Variants in CADPS observed in about 807,000 individuals in gnomAD.
CADPS encodes calcium-dependent secretion activator 1.
In CADPS, 57 loss-of-function variants were observed where a neutral mutation model predicts 167.3. The observed-to-expected ratio is 0.34, with a 90% confidence interval of 0.28 to 0.42. CADPS has a LOEUF of 0.42. Ranked by LOEUF, CADPS falls within the 20% of genes least tolerant of loss-of-function variation. CADPS has a pLI of 1.00. For synonymous variants in CADPS, 676 were observed against 635.3 expected, an observed-to-expected ratio of 1.06 and a Z score of -0.96; for missense variants, 1,414 against 1,738.1, an observed-to-expected ratio of 0.81 and a Z score of 3.32.
chr3:62,803,504 T>A (rs12633666), intron 1 of CADPS, among the ~76,000 whole-genome samples: 96,733 of 151,794 alleles, frequency 0.64, 34,171 homozygotes, highest in East Asian at 0.89. Flanking sequence ...TGTTGCTGCC[T>A]AACATCTCAA....
chr3:62,618,907 C>T (rs76382243), intron 6 of CADPS, among the ~76,000 whole-genome samples: 4,346 of 152,294 alleles, frequency 0.029, 215 homozygotes, highest in African/African-American at 0.099. Flanking sequence ...TCCCTGCTCT[C>T]ACAGAGCTAA....
chr3:62,452,396 A>G (rs1301183072), intron 26 of CADPS, among the ~76,000 whole-genome samples: 1 of 152,224 alleles, frequency 6.6e-6, no homozygotes, highest in Non-Finnish European at 1.5e-5. Flanking sequence ...CGCAGTTGAG[A>G]GTACTTGAGA....
chr3:62,443,861 T>C lies in CADPS; in HGVS notation c.3669+1904A>G, dbSNP rs115219452. 1.9e-3 allele frequency among the ~76,000 whole-genome samples: 291 copies of C among 152,250 alleles called. 2 individuals are homozygous for C. The highest frequency in any genetic ancestry group is 6.6e-3 in the African/African-American group (275 of 41,542). ...AACGAGTCTTCTAATTTAGCATAAT[T>C]AATCCATAAACACTTAATGAGTACA... On this transcript the variant is annotated intron_variant, in intron 27 of 29. Coordinates refer to ENST00000383710, the MANE Select transcript of CADPS (RefSeq NM_003716.4).
chr3:62,592,501 A>G (rs1475023211), intron 7 of CADPS, 136 bp downstream of exon 7: 5 of 645,976 alleles, frequency 7.7e-6, no homozygotes, highest in Non-Finnish European at 1.4e-5. Context: ...GCCAATGTAG[A>G]GTGGAGTCCA....
In CADPS at chr3:62,585,285, C is replaced by T. The variant is rs771713733; in HGVS notation, c.1477G>A (p.Glu493Lys). 6 of 1,613,828 alleles carry T rather than the reference C, an allele frequency of 3.7e-6. No individual in the cohort carries two copies. The highest frequency in any genetic ancestry group is 1.7e-6 in the Non-Finnish European group (2 of 1,179,848). The change falls in exon 8 of 30, where the codon GAG becomes AAG. Residue 493 changes from glutamate (E) to lysine (K), a missense_variant. By Grantham distance (56) the Glu-to-Lys change is moderately conservative. Transcript: ENST00000383710. ...HPTPNSPKQS[E>K]WHKMTVSKNC... ...TTGGAGACTGTCATTTTGTGCCACTCTGACTGTTTGGGGCTGTTCGGGGTG... is the reference window on the plus strand; with the variant it reads ...TTGGAGACTGTCATTTTGTGCCACTTTGACTGTTTGGGGCTGTTCGGGGTG...
At chr3:62,484,829 G>A (rs893459903) in intron 21 of CADPS, among the ~76,000 whole-genome samples, 2 of 152,154 alleles carry the variant, frequency 1.3e-5, no homozygotes, top group African/African-American at 4.8e-5. Context: ...TATGGATGGG[G>A]TTGTATTTAA....
intron 1 of CADPS, among the ~76,000 whole-genome samples, chr3:62,794,126 G>C (rs1213767796): frequency 6.6e-6 from 1 of 152,188 alleles, no homozygotes; most frequent in Non-Finnish European, 1.5e-5. Flanking sequence ...GGAATGATGA[G>C]TAACAGCTTG....
chr3:62,826,583 T>C (rs1235983833), intron 1 of CADPS, among the ~76,000 whole-genome samples: 1 of 152,148 alleles, frequency 6.6e-6, no homozygotes, highest in East Asian at 1.9e-4. Flanking sequence ...AACCTTGCTA[T>C]TTCATATCTT....
intron 5 of CADPS, among the ~76,000 whole-genome samples, chr3:62,648,103 C>A (rs962977978): frequency 1.3e-5 from 2 of 152,138 alleles, no homozygotes; most frequent in African/African-American, 4.8e-5. Flanking sequence ...TCCTAGTCTG[C>A]CCTGATGAGA....
intron 3 of CADPS, among the ~76,000 whole-genome samples, chr3:62,676,321 T>A (rs1366397917): frequency 6.6e-6 from 1 of 152,166 alleles, no homozygotes; most frequent in Non-Finnish European, 1.5e-5. Flanking sequence ...CAATATATAT[T>A]TGTTGAGTGA....
intron 3 of CADPS, among the ~76,000 whole-genome samples, chr3:62,703,111 AAATATATTATTAAAAACT>A (rs1564059473): frequency 6.6e-6 from 1 of 152,198 alleles, no homozygotes; most frequent in African/African-American, 2.4e-5. Flanking sequence ...ATTATAAAAC[AAATATATTATTAAAAACT>A]TGTGAGATTT....
At chr3:62,629,928 A>G (rs930180719) in intron 6 of CADPS, among the ~76,000 whole-genome samples, 1 of 152,142 alleles carries the variant, frequency 6.6e-6, no homozygotes, top group African/African-American at 2.4e-5. Context: ...GCTCCTCTAT[A>G]AGGAGGTAAT....
intron 4 of CADPS, among the ~76,000 whole-genome samples, chr3:62,656,694 G>C (rs2071689277): frequency 6.6e-6 from 1 of 152,214 alleles, no homozygotes; most frequent in African/African-American, 2.4e-5. Flanking sequence ...AGGGAGTAAT[G>C]AGGATGGGGT....
At chr3:62,594,201 G>A (rs1037465758) in intron 6 of CADPS, among the ~76,000 whole-genome samples, 4 of 138,298 alleles carry the variant, frequency 2.9e-5, no homozygotes, top group Non-Finnish European at 4.6e-5. Flanking sequence ...TCGCTCTGTC[G>A]CCCAGGCTGG....
At chr3:62,548,113 A>G (rs1446580632) in intron 11 of CADPS, among the ~76,000 whole-genome samples, 1 of 152,104 alleles carries the variant, frequency 6.6e-6, no homozygotes, top group African/African-American at 2.4e-5. Flanking sequence ...TTTTTTTCTG[A>G]TACAGGGGGT....
At chr3:62,728,163 T>TAAAAGGGCAAAACCGCA (rs1224335176) in intron 3 of CADPS, among the ~76,000 whole-genome samples, 11 of 151,860 alleles carry the variant, frequency 7.2e-5, no homozygotes, top group African/African-American at 2.7e-4. Flanking sequence ...TTTTTGCAAT[T>TAAAAGGGCAAAACCGCA]ATAAGGGCAA....
rs372820880 is a variant in CADPS at position 62,527,194 on chromosome 3, G to A, written c.2291+5677C>T. ...TGTTAGGCTTTTAGACATAGGGTAA[G>A]TCTTGTGTAAAAGAAACAACAAATC... On this transcript the variant is annotated intron_variant, in intron 13 of 29. Coordinates refer to ENST00000383710, the MANE Select transcript of CADPS (RefSeq NM_003716.4). Among the ~76,000 whole-genome samples the A allele has an allele frequency of 3.3e-5, 5 of 152,306 alleles. No individual in the cohort carries two copies. The South Asian group carries it at 6.2e-4, about 19-fold the overall frequency.
In CADPS at chr3:62,405,500, A is replaced by G. The variant is rs575109989; in HGVS notation, c.3778-2315T>C. ...CAACCCCCTGCCGCCCCTCCATTTT[A>G]TGTAAGCAGTTCCCACTCTTGTAAA... On this transcript the variant is annotated intron_variant, in intron 28 of 29. Transcript: ENST00000383710. Among the ~76,000 whole-genome samples the G allele has an allele frequency of 2.0e-5, 3 of 151,982 alleles. No homozygotes were observed. The South Asian group carries it at 6.2e-4, about 32-fold the overall frequency.
chr3:62,824,874 CCACATA>C (rs949238672), intron 1 of CADPS, among the ~76,000 whole-genome samples: 2 of 152,072 alleles, frequency 1.3e-5, no homozygotes, highest in African/African-American at 4.8e-5. Flanking sequence ...ACATTCTCTC[CCACATA>C]CACATGCTAC....
Sources: gnomAD v4.1 joint callset for allele counts (sites outside exome capture counted in the v4.1 genomes callset) on GRCh38, gnomAD v4.1.1 for gene constraint, MANE v1.5 for transcripts, NCBI Gene and HGNC (gene_info 2026-07-23, HGNC 2026-07-21) for gene names.